The following JAM3 variants were observed in gnomAD, a reference collection of about 807,000 sequenced individuals.
The protein encoded by JAM3 is junctional adhesion molecule 3.
In JAM3, 31 loss-of-function variants were observed where a neutral mutation model predicts 39.4. That is an observed-to-expected ratio of 0.79 (90% CI 0.59 to 1.06). JAM3 has a LOEUF of 1.06. Ranked by LOEUF, JAM3 falls within the 50% of genes least tolerant of loss-of-function variation. The pLI is 0.00. For missense variants in JAM3, 455 were observed against 391.4 expected, an observed-to-expected ratio of 1.16 and a Z score of -1.37; for synonymous variants, 182 against 148.7, an observed-to-expected ratio of 1.22 and a Z score of -1.63.
intron 3 of JAM3, 89 bp from the exon 4 acceptor site, chr11:134,144,152 G>A: frequency 1.6e-6 from 2 of 1,246,328 alleles, no homozygotes; most frequent in Non-Finnish European, 1.2e-6. Context: ...CCTTGCTGTG[G>A]CATCTAGTGC....
At chr11:134,142,483 T>C (rs989049528) in intron 3 of JAM3, among the ~76,000 whole-genome samples, 10 of 152,236 alleles carry the variant, frequency 6.6e-5, no homozygotes, top group African/African-American at 2.4e-4. Context: ...TTCATGTCCT[T>C]GTCAGCAGTT....
intron 1 of JAM3, among the ~76,000 whole-genome samples, chr11:134,138,183 AGTC>A (rs1565502765): frequency 8.0e-6 from 1 of 125,304 alleles, no homozygotes; most frequent in Non-Finnish European, 1.6e-5. Flanking sequence ...GTCTCGTCGA[AGTC>A]GTGGTGCTCA....
At chr11:134,108,900 A>C (rs1288025658) in intron 1 of JAM3, among the ~76,000 whole-genome samples, 1 of 152,208 alleles carries the variant, frequency 6.6e-6, no homozygotes, top group Non-Finnish European at 1.5e-5. Context: ...ATATCCATGA[A>C]AAAGTTATAG....
At chr11:134,125,308 T>G (rs1942625812) in intron 1 of JAM3, among the ~76,000 whole-genome samples, 1 of 152,236 alleles carries the variant, frequency 6.6e-6, no homozygotes, top group Admixed American at 6.5e-5. Context: ...GCACATCATG[T>G]CAGAGGCTTT....
At chr11:134,131,018 A>C (rs1481978010) in intron 1 of JAM3, among the ~76,000 whole-genome samples, 1 of 152,152 alleles carries the variant, frequency 6.6e-6, no homozygotes, top group Non-Finnish European at 1.5e-5. Context: ...GATTCTTAGG[A>C]AATTACGACT....
intron 1 of JAM3, among the ~76,000 whole-genome samples, chr11:134,108,292 T>TA (rs902877291): frequency 3.1e-4 from 46 of 147,968 alleles, no homozygotes; most frequent in African/African-American, 6.2e-4. Context: ...AATTTATAGT[T>TA]AAAAAAAAAA....
intron 1 of JAM3, among the ~76,000 whole-genome samples, chr11:134,139,382 AC>A (rs1292806741): frequency 6.6e-6 from 1 of 152,172 alleles, no homozygotes; most frequent in Admixed American, 6.5e-5. Context: ...TGATAACCAT[AC>A]CCAGAGAGTG....
chr11:134,110,273 A>C (rs1044724733), intron 1 of JAM3, among the ~76,000 whole-genome samples: 5 of 152,050 alleles, frequency 3.3e-5, no homozygotes, highest in African/African-American at 1.2e-4. Context: ...GAAAAGATAG[A>C]CCTATTATTT....
chr11:134,118,364 C>T lies in JAM3; in HGVS notation c.77-21487C>T, dbSNP rs374032221. ...AGATGGTGACCCTCCCTCCACCCAT[C>T]ATTTTTATATTTCCATTATTTCAGT... On this transcript the variant is annotated intron_variant, in intron 1 of 8. Coordinates refer to ENST00000299106, the MANE Select transcript of JAM3 (RefSeq NM_032801.5). Among the ~76,000 whole-genome samples the T allele has an allele frequency of 1.3e-4, 20 of 152,290 alleles. No individual in the cohort carries two copies. The East Asian group carries it at 3.5e-3, about 26-fold the overall frequency.
Position 134,115,850 on chromosome 11 carries a change from T to C in JAM3, c.77-24001T>C, listed in dbSNP as rs1942419506. Reference sequence around the variant, plus strand: ...AGTTTGAGGCTGCAGTAAGCCATGATTGCGCCACTACACTCAAGCCTGGGT... The same window carrying C: ...AGTTTGAGGCTGCAGTAAGCCATGACTGCGCCACTACACTCAAGCCTGGGT... On this transcript the variant is annotated intron_variant, in intron 1 of 8. Transcript: ENST00000299106. Among the ~76,000 whole-genome samples the C allele has an allele frequency of 2.6e-5, 4 of 152,210 alleles. No individual in the cohort carries two copies. In the South Asian group the frequency reaches 6.2e-4, roughly 24 times the overall value.
rs566955686 is a variant in JAM3 at position 134,123,991 on chromosome 11, C to T, written c.77-15860C>T. 285 of 1,515,040 alleles carry T rather than the reference C, an allele frequency of 1.9e-4. 2 individuals are homozygous for T. In the South Asian group the frequency reaches 3.1e-3, roughly 17 times the overall value. The allele number at this position is 1,515,040 out of a possible 1,614,324, so 93.8% of individuals were successfully genotyped here. A position where few individuals can be genotyped will look rare whatever the true frequency, so the allele number is the denominator to read the frequency against. ...ATTCCATATTCAATCAAAGCAAGTG[C>T]AACCAGCACAGGTGCCCTTCCCAAT... On this transcript the variant is annotated intron_variant, in intron 1 of 8. Coordinates refer to ENST00000299106, the MANE Select transcript of JAM3 (RefSeq NM_032801.5).
chr11:134,078,573 A>T (rs1049069778), intron 1 of JAM3, among the ~76,000 whole-genome samples: 2 of 151,574 alleles, frequency 1.3e-5, no homozygotes, highest in Admixed American at 6.6e-5. Context: ...GACTTATGTG[A>T]GATCTCGTTG....
At chr11:134,097,712 AAT>A (rs757027103) in intron 1 of JAM3, among the ~76,000 whole-genome samples, 8 of 152,112 alleles carry the variant, frequency 5.3e-5, no homozygotes, top group Non-Finnish European at 1.2e-4. Flanking sequence ...CTGACCAAAT[AAT>A]GTTTACTTCA....
intron 1 of JAM3, among the ~76,000 whole-genome samples, chr11:134,129,799 C>T (rs532578632): frequency 7.2e-5 from 11 of 152,206 alleles, no homozygotes; most frequent in South Asian, 6.2e-4. Flanking sequence ...CTCAGGAGCG[C>T]GAGACCAGCC....
At chr11:134,125,524 G>A (rs1292405882) in intron 1 of JAM3, among the ~76,000 whole-genome samples, 1 of 152,100 alleles carries the variant, frequency 6.6e-6, no homozygotes, top group African/African-American at 2.4e-5. Context: ...CAAGAAGTAG[G>A]GAGTAAGAGG....
intron 1 of JAM3, among the ~76,000 whole-genome samples, chr11:134,105,266 C>T (rs915873555): frequency 1.3e-5 from 2 of 152,154 alleles, no homozygotes; most frequent in African/African-American, 4.8e-5. Context: ...ATGATTATCT[C>T]AATAGATGCA....
intron 1 of JAM3, among the ~76,000 whole-genome samples, chr11:134,119,637 T>C (rs1449199588): frequency 6.6e-6 from 1 of 152,234 alleles, no homozygotes; most frequent in East Asian, 1.9e-4. Flanking sequence ...CAGGGCAGTC[T>C]GCTGGAGGAG....
At chr11:134,129,233 C>T (rs1036960002) in intron 1 of JAM3, among the ~76,000 whole-genome samples, 1 of 151,874 alleles carries the variant, frequency 6.6e-6, no homozygotes, top group East Asian at 1.9e-4. Context: ...TCTCCTGCCT[C>T]AGCCTCCCAA....
chr11:134,101,809 G>A (rs1942078810), intron 1 of JAM3, among the ~76,000 whole-genome samples: 1 of 152,148 alleles, frequency 6.6e-6, no homozygotes, highest in East Asian at 1.9e-4. Flanking sequence ...GCTCATGCCT[G>A]TAATCCTAGT....
Sources: allele counts gnomAD v4.1 joint callset (sites outside exome capture counted in the v4.1 genomes callset), GRCh38; gene constraint gnomAD v4.1.1; transcripts MANE v1.5; gene names NCBI Gene and HGNC (gene_info 2026-07-23, HGNC 2026-07-21).